The following ESYT2 variants were observed in gnomAD, a reference collection of about 807,000 sequenced individuals.
The protein encoded by ESYT2 is extended synaptotagmin-2.
ESYT2 carries 54 observed loss-of-function variants against 107.2 expected under a neutral mutation model. The ratio of observed to expected loss-of-function variants is 0.50; its 90% CI spans 0.40 to 0.63. The LOEUF is 0.63. Ranked by LOEUF, ESYT2 falls within the 30% of genes least tolerant of loss-of-function variation. ESYT2 has a pLI of 0.00. For synonymous variants in ESYT2, 491 were observed against 434.1 expected (o/e 1.13, Z -1.63); for missense variants, 1,020 against 1,094.5 (o/e 0.93, Z 0.96).
intron 7 of ESYT2, among the ~76,000 whole-genome samples, chr7:158,772,894 T>TAAAAAAAAAA (rs3033501): frequency 1.4e-5 from 2 of 142,018 alleles, no homozygotes; most frequent in Non-Finnish European, 1.5e-5. Context: ...GAATAAAAGT[T>TAAAAAAAAAA]AAAAAAAAAA....
At chr7:158,761,428 G>A in intron 11 of ESYT2, 68 bp downstream of exon 11, 1 of 1,432,174 alleles carries the variant, frequency 7.0e-7, no homozygotes, top group East Asian at 2.3e-5. Flanking sequence ...GTGGTTCGTG[G>A]CTCCTCTGGC....
chr7:158,745,432 G>A (rs969476030), intron 16 of ESYT2, among the ~76,000 whole-genome samples: 1 of 137,070 alleles, frequency 7.3e-6, no homozygotes, highest in Non-Finnish European at 1.5e-5. Context: ...CTTCATACCT[G>A]ATATAAGTAG....
At chr7:158,738,332 C>T (rs1392086650) in intron 19 of ESYT2, among the ~76,000 whole-genome samples, 1 of 56,866 alleles carries the variant, frequency 1.8e-5, no homozygotes, top group Admixed American at 2.2e-4. Flanking sequence ...AAAAAATACA[C>T]ACACACACAC....
Position 158,804,625 on chromosome 7 carries a change from G to T in ESYT2, c.331-5553C>A, listed in dbSNP as rs187131810. 4.6e-5 allele frequency among the ~76,000 whole-genome samples: 7 copies of T among 151,796 alleles called. No individual in the cohort carries two copies. In the East Asian group the frequency reaches 1.4e-3, roughly 30 times the overall value. On this transcript the variant is annotated intron_variant, in intron 1 of 22. Transcript: ENST00000275418. ...ACAAACCCAAAGTGCTGAGAAAGGT[G>T]AGGCGCGTGACAAACCCAAAGTGCT...
intron 2 of ESYT2, 76 bp from the exon 3 acceptor site, chr7:158,798,152 C>G: frequency 6.6e-7 from 1 of 1,511,842 alleles, no homozygotes; most frequent in Non-Finnish European, 9.1e-7. Flanking sequence ...GTGAGAAACC[C>G]TCGCAACAGA....
chr7:158,784,313 T>C (rs1839034053), intron 6 of ESYT2, among the ~76,000 whole-genome samples: 1 of 152,242 alleles, frequency 6.6e-6, no homozygotes, highest in Non-Finnish European at 1.5e-5. Context: ...TGCAGCCTCA[T>C]CTGCAAGGCT....
intron 6 of ESYT2, among the ~76,000 whole-genome samples, chr7:158,782,006 T>G: frequency 6.8e-6 from 1 of 147,092 alleles, no homozygotes; most frequent in Non-Finnish European, 1.5e-5. Flanking sequence ...CGAGAACAAG[T>G]GTGTGAACAA....
chr7:158,807,380 T>C (rs541158112), intron 1 of ESYT2, among the ~76,000 whole-genome samples: 1 of 152,352 alleles, frequency 6.6e-6, no homozygotes, highest in South Asian at 2.1e-4. Flanking sequence ...AATAAGTTTA[T>C]GTATCTCCTA....
chr7:158,793,933 G>A (rs951767089), intron 3 of ESYT2, among the ~76,000 whole-genome samples: 3 of 152,136 alleles, frequency 2.0e-5, no homozygotes, highest in Non-Finnish European at 4.4e-5. Flanking sequence ...AGAAAACAAG[G>A]GCCTCTGTTT....
chr7:158,780,579 G>A (rs559178978), intron 6 of ESYT2, among the ~76,000 whole-genome samples: 255 of 152,310 alleles, frequency 1.7e-3, no homozygotes, highest in African/African-American at 6.0e-3. Flanking sequence ...TATCAACGAT[G>A]GAGTATTAAA....
At chr7:158,740,669 T>C (rs925701573) in intron 18 of ESYT2, among the ~76,000 whole-genome samples, 3 of 152,270 alleles carry the variant, frequency 2.0e-5, no homozygotes, top group African/African-American at 7.2e-5. Context: ...TGAGAAAAAG[T>C]GTTTCCTTGT....
intron 6 of ESYT2, among the ~76,000 whole-genome samples, chr7:158,785,542 CTATCTGTTAGGTATTA>C (rs1839082469): frequency 6.6e-6 from 1 of 152,176 alleles, no homozygotes; most frequent in African/African-American, 2.4e-5. Context: ...ATGAAGACTA[CTATCTGTTAGGTATTA>C]TACTAAGCAG....
chr7:158,771,342 T>C (rs1452587208), intron 7 of ESYT2, among the ~76,000 whole-genome samples: 1 of 152,262 alleles, frequency 6.6e-6, no homozygotes, highest in Admixed American at 6.5e-5. Context: ...TTGTTCCATT[T>C]GGCTAAACAG....
At chr7:158,734,745 G>A (rs749093334) in intron 21 of ESYT2, among the ~76,000 whole-genome samples, 9 of 152,200 alleles carry the variant, frequency 5.9e-5, no homozygotes, top group East Asian at 1.9e-4. Context: ...CCATGATCGC[G>A]CCACTGGACT....
chr7:158,807,432 A>G (rs1417627263), intron 1 of ESYT2, among the ~76,000 whole-genome samples: 2 of 152,156 alleles, frequency 1.3e-5, no homozygotes, highest in East Asian at 1.9e-4. Flanking sequence ...AATTATCGCG[A>G]CTTATGAGAA....
rs1836758916 is a variant in ESYT2, at chr7:158,731,668, A to AT, written c.*2538dup. On this transcript the variant is annotated 3_prime_UTR_variant, in exon 23 of 23. Transcript: ENST00000275418. The stretch of plus-strand genomic sequence containing the variant: ...TCCTACTTTAAGGCACAGGATCAGG[A>AT]TAAGAACCCACATGTACGAGCTAAC... The AT allele has an allele frequency of 6.5e-6, 1 of 152,676 alleles. No individual in the cohort carries two copies. The highest frequency in any genetic ancestry group is 2.1e-4 in the South Asian group (1 of 4,832). The allele number at this position is 152,676 out of a possible 1,614,324, so 9.5% of individuals were successfully genotyped here.
chr7:158,754,419 G>A (rs915698515), intron 13 of ESYT2, among the ~76,000 whole-genome samples: 5 of 151,756 alleles, frequency 3.3e-5, no homozygotes, highest in Non-Finnish European at 5.9e-5. Flanking sequence ...CACCATGTTG[G>A]CCAGGATGGT....
At chr7:158,770,376 CTA>C (rs530074734) in intron 7 of ESYT2, among the ~76,000 whole-genome samples, 1 of 151,034 alleles carries the variant, frequency 6.6e-6, no homozygotes, top group African/African-American at 2.4e-5. Context: ...TTATATATAC[CTA>C]TATATATAAA....
At chr7:158,814,466 G>A (rs752607196) in intron 1 of ESYT2, among the ~76,000 whole-genome samples, 8 of 151,326 alleles carry the variant, frequency 5.3e-5, no homozygotes, top group Middle Eastern at 3.4e-3. Flanking sequence ...TACATTACTC[G>A]TCCCGATTAC....
Sources: allele counts gnomAD v4.1 joint callset (sites outside exome capture counted in the v4.1 genomes callset), GRCh38; gene constraint gnomAD v4.1.1; transcripts MANE v1.5; gene names NCBI Gene and HGNC (gene_info 2026-07-23, HGNC 2026-07-21).